WFDC9: variants seen among roughly 807,000 people sequenced by gnomAD.
WFDC9 encodes protein WFDC9.
In WFDC9, 9 loss-of-function variants were observed where a neutral mutation model predicts 9.5. The observed-to-expected ratio is 0.95, with a 90% CI of 0.57 to 1.65. The LOEUF is 1.65. WFDC9 is among the 40% of genes most tolerant of loss of function. The pLI is 0.00. For synonymous variants in WFDC9, 33 were observed against 32.3 expected, an observed-to-expected ratio of 1.02 and a Z score of -0.07; for missense variants, 87 against 106.7, an observed-to-expected ratio of 0.82 and a Z score of 0.81.
At chr20:45,617,690 T>C (rs901858215) in intron 1 of WFDC9, among the ~76,000 whole-genome samples, 1 of 152,270 alleles carries the variant, frequency 6.6e-6, no homozygotes, top group African/African-American at 2.4e-5. Flanking sequence ...GGTCTCACTA[T>C]GTTCCCCAGG....
chr20:45,610,191 T>C lies in WFDC9; in HGVS notation c.-10A>G, dbSNP rs1173945519. 1 of 1,613,190 alleles carries C rather than the reference T, an allele frequency of 6.2e-7. No individual in the cohort carries two copies. The highest frequency in any genetic ancestry group is 2.2e-5 in the East Asian group (1 of 44,864). On this transcript the variant is annotated 5_prime_UTR_variant, in exon 3 of 5. Coordinates refer to ENST00000326000, the MANE Select transcript of WFDC9 (RefSeq NM_147198.4). ...GAATCCAGGGCTTCATGGTGCTCTC[T>C]GTGTGTATTTGGGTTAAGTTCTGGC...
At chr20:45,620,322 C>T (rs757794953) in intron 1 of WFDC9, among the ~76,000 whole-genome samples, 5 of 152,030 alleles carry the variant, frequency 3.3e-5, no homozygotes, top group Non-Finnish European at 7.4e-5. Flanking sequence ...TCAATTGGGC[C>T]GGGTGTGATG....
chr20:45,630,294 A>G (rs1277708806), intron 1 of WFDC9, among the ~76,000 whole-genome samples: 2 of 152,102 alleles, frequency 1.3e-5, no homozygotes, highest in African/African-American at 2.4e-5. Context: ...TAGAATGGGT[A>G]TAAGTGTAGG....
chr20:45,620,158 G>T (rs971902382), intron 1 of WFDC9, among the ~76,000 whole-genome samples: 2 of 152,088 alleles, frequency 1.3e-5, no homozygotes, highest in African/African-American at 4.8e-5. Flanking sequence ...ATTAAGTAGC[G>T]TTATTTGTTT....
chr20:45,629,750 A>G, intron 1 of WFDC9: 1 of 1,569,696 alleles, frequency 6.4e-7, no homozygotes, highest in Non-Finnish European at 8.7e-7. Context: ...CTCTCCGTAG[A>G]CAGCTCTGCA....
At chr20:45,613,479 T>G (rs1206549592) in intron 2 of WFDC9, among the ~76,000 whole-genome samples, 1 of 152,212 alleles carries the variant, frequency 6.6e-6, no homozygotes, top group Non-Finnish European at 1.5e-5. Flanking sequence ...TTTAGGCACA[T>G]GTCATTAGAT....
intron 1 of WFDC9, among the ~76,000 whole-genome samples, chr20:45,614,991 C>T (rs866497463): frequency 6.6e-6 from 1 of 152,184 alleles, no homozygotes; most frequent in East Asian, 1.9e-4. Context: ...CTCTCAAATA[C>T]ATCTCAGTCC....
intron 3 of WFDC9, 78 bp downstream of exon 3, chr20:45,610,013 G>C (rs1308217131): frequency 1.8e-6 from 2 of 1,141,124 alleles, no homozygotes; most frequent in Non-Finnish European, 2.6e-6. Context: ...CCTGATTCTT[G>C]ACATGCAGGC....
chr20:45,628,271 G>C (rs6073823), intron 1 of WFDC9, among the ~76,000 whole-genome samples: 26,605 of 152,076 alleles, frequency 0.17, 2,509 homozygotes, highest in East Asian at 0.32. Flanking sequence ...AAGAAGTCAA[G>C]GACCCAGGCT....
At chr20:45,622,655 A>G (rs1264957876) in intron 1 of WFDC9, among the ~76,000 whole-genome samples, 1 of 152,182 alleles carries the variant, frequency 6.6e-6, no homozygotes, top group Non-Finnish European at 1.5e-5. Flanking sequence ...TGTCATGTAC[A>G]TTTTCTCTAA....
rs542619389 is a variant in WFDC9, at chr20:45,622,451, C to T, written c.-152-7730G>A. ...GTTTCATTAAATATTTTTTAACCTG[C>T]TAAATCTTTTTCTTTTAGAACTACT... On this transcript the variant is annotated intron_variant, in intron 1 of 4. Coordinates refer to ENST00000326000, the MANE Select transcript of WFDC9 (RefSeq NM_147198.4). Among the ~76,000 whole-genome samples the T allele has an allele frequency of 2.6e-5, 4 of 152,244 alleles. No individual in the cohort carries two copies. The East Asian group carries it at 5.8e-4, about 22-fold the overall frequency.
chr20:45,630,383 G>A (rs1306427424), intron 1 of WFDC9, among the ~76,000 whole-genome samples: 1 of 152,110 alleles, frequency 6.6e-6, no homozygotes, highest in Non-Finnish European at 1.5e-5. Context: ...AAGGAGAGTG[G>A]TGGTGGAAAG....
chr20:45,631,108 C>T, intron 1 of WFDC9, 95 bp downstream of exon 1: 1 of 1,422,128 alleles, frequency 7.0e-7, no homozygotes, highest in South Asian at 1.6e-5. Context: ...CCTCAAGTCA[C>T]CAGCATAAGA....
intron 1 of WFDC9, among the ~76,000 whole-genome samples, chr20:45,618,432 C>A (rs1476392980): frequency 2.0e-5 from 3 of 152,228 alleles, no homozygotes; most frequent in Non-Finnish European, 4.4e-5. Context: ...GTACAAGAGG[C>A]CTAGCTTTCA....
intron 1 of WFDC9, among the ~76,000 whole-genome samples, chr20:45,627,009 T>C (rs76174602): frequency 6.6e-6 from 1 of 152,230 alleles, no homozygotes; most frequent in East Asian, 1.9e-4. Context: ...CATAATTTAT[T>C]GAAAGTTTTT....
At chr20:45,627,871 C>CT (rs1230479593) in intron 1 of WFDC9, among the ~76,000 whole-genome samples, 1 of 152,030 alleles carries the variant, frequency 6.6e-6, no homozygotes, top group Non-Finnish European at 1.5e-5. Flanking sequence ...TTTGTTCAGA[C>CT]TTTTTTTATA....
chr20:45,622,010 T>A (rs951790782), intron 1 of WFDC9, among the ~76,000 whole-genome samples: 3 of 152,070 alleles, frequency 2.0e-5, no homozygotes, highest in African/African-American at 7.2e-5. Context: ...TTTTGTATAG[T>A]GGTTCTAGAT....
At chr20:45,616,237 C>A (rs575357798) in intron 1 of WFDC9, among the ~76,000 whole-genome samples, 95 of 152,256 alleles carry the variant, frequency 6.2e-4, no homozygotes, top group Non-Finnish European at 9.7e-4. Context: ...TGTCATCATT[C>A]CAACAATGTT....
At chr20:45,631,071 A>G (rs1243429478) in intron 1 of WFDC9, 132 bp downstream of exon 1, 47 of 1,498,754 alleles carry the variant, frequency 3.1e-5, no homozygotes, top group Non-Finnish European at 4.2e-5. Flanking sequence ...TCTATCCAAG[A>G]CTGTGCCCAC....
Sources: gnomAD v4.1 joint callset for allele counts (sites outside exome capture counted in the v4.1 genomes callset) on GRCh38, gnomAD v4.1.1 for gene constraint, MANE v1.5 for transcripts, NCBI Gene and HGNC (gene_info 2026-07-23, HGNC 2026-07-21) for gene names.